The following CD226 variants were observed in gnomAD, a reference collection of about 807,000 sequenced individuals.
CD226 encodes the protein CD226 molecule.
Under a neutral mutation model 34.9 loss-of-function variants are expected in CD226, and 24 were observed. That is an observed-to-expected ratio of 0.69 (90% CI 0.50 to 0.97). The LOEUF is 0.97. CD226 is among the 50% of genes least tolerant of loss of function. The pLI is 0.00. For synonymous variants in CD226, 148 were observed against 147.4 expected (o/e 1.00, Z -0.03); for missense variants, 397 against 412.7 (o/e 0.96, Z 0.33).
intron 2 of CD226, among the ~76,000 whole-genome samples, chr18:69,937,501 T>C (rs1599024851): frequency 6.6e-6 from 1 of 152,176 alleles, no homozygotes; most frequent in African/African-American, 2.4e-5. Flanking sequence ...TGCGACTTAT[T>C]TTTTTGCCTC....
At chr18:69,897,063 T>C (rs1985344055) in intron 2 of CD226, among the ~76,000 whole-genome samples, 1 of 152,222 alleles carries the variant, frequency 6.6e-6, no homozygotes, top group Admixed American at 6.5e-5. Context: ...AGTTCAAATC[T>C]ATTTTCCTAG....
At chr18:69,914,450 C>G (rs2055362008) in intron 2 of CD226, among the ~76,000 whole-genome samples, 1 of 152,170 alleles carries the variant, frequency 6.6e-6, no homozygotes, top group African/African-American at 2.4e-5. Context: ...GTTAGCAATT[C>G]CTTGTGATAG....
At chr18:69,911,635 A>T (rs2055326519) in intron 2 of CD226, among the ~76,000 whole-genome samples, 1 of 152,090 alleles carries the variant, frequency 6.6e-6, no homozygotes, top group African/African-American at 2.4e-5. Flanking sequence ...TACCCAATTC[A>T]CTCAAAATGA....
chr18:69,874,303 C>T (rs190316714), intron 3 of CD226, among the ~76,000 whole-genome samples: 2 of 152,286 alleles, frequency 1.3e-5, no homozygotes, highest in Non-Finnish European at 2.9e-5. Context: ...GGTCAGAGAA[C>T]ATTTTATCTT....
rs572254290 is a variant in CD226, at chr18:69,879,797, G to A, written c.728-6551C>T. ...TTCACAATTTAAATTCTTCTGCCAT[G>A]GCTTCAGCCAGTCCCTCCGTTCAGG... On this transcript the variant is annotated intron_variant, in intron 3 of 5. Coordinates refer to ENST00000582621, the MANE Select transcript of CD226 (RefSeq NM_001303618.2). Among the ~76,000 whole-genome samples, 6 of 152,310 alleles carry A rather than the reference G, an allele frequency of 3.9e-5. No individual in the cohort carries two copies. In the South Asian group the frequency reaches 1.2e-3, roughly 32 times the overall value.
At chr18:69,934,125 A>G (rs955775778) in intron 2 of CD226, among the ~76,000 whole-genome samples, 2 of 152,234 alleles carry the variant, frequency 1.3e-5, no homozygotes, top group Admixed American at 6.5e-5. Flanking sequence ...TGTTTCTCAC[A>G]TGAAAAAGGT....
chr18:69,910,169 G>A (rs896699934), intron 2 of CD226, among the ~76,000 whole-genome samples: 8 of 152,186 alleles, frequency 5.3e-5, no homozygotes, highest in Non-Finnish European at 8.8e-5. Context: ...CACTGTGTTA[G>A]TAGTTTTCTA....
chr18:69,910,619 A>G (rs2055312269), intron 2 of CD226, among the ~76,000 whole-genome samples: 1 of 152,212 alleles, frequency 6.6e-6, no homozygotes, highest in Non-Finnish European at 1.5e-5. Flanking sequence ...AGGAAAGAGG[A>G]CAAAACATAA....
rs1982667828 is a variant in CD226 at position 69,858,265 on chromosome 18, T to A, written c.*6049A>T. 6.6e-6 allele frequency: 1 copy of A among 152,186 alleles called. No homozygotes were observed. The highest frequency in any genetic ancestry group is 1.5e-5 in the Non-Finnish European group (1 of 68,026). 9.4% of individuals were successfully genotyped at this position (152,186 alleles called of 1,614,324 possible). On this transcript the variant is annotated 3_prime_UTR_variant, in exon 6 of 6. Coordinates refer to ENST00000582621, the MANE Select transcript of CD226 (RefSeq NM_001303618.2). ...GGTATTACACAGGGCCTTGAAACAT[T>A]TATAAAAGGGTATATTAAACCCTGC...
At chr18:69,896,932 C>T (rs1985336284) in intron 2 of CD226, among the ~76,000 whole-genome samples, 1 of 152,190 alleles carries the variant, frequency 6.6e-6, no homozygotes, top group Non-Finnish European at 1.5e-5. Context: ...ACCTTCCTCA[C>T]ACCATTTCTG....
At chr18:69,867,439 A>G in intron 4 of CD226, 28 bp from the exon 5 acceptor site, 1 of 1,387,048 alleles carries the variant, frequency 7.2e-7, no homozygotes, top group South Asian at 1.2e-5. Flanking sequence ...TAAAGGATAT[A>G]AAGATATGAT....
chr18:69,958,356 T>C (rs1042967479), upstream of CD226, among the ~76,000 whole-genome samples: 31 of 152,278 alleles, frequency 2.0e-4, no homozygotes, highest in African/African-American at 7.0e-4. Context: ...GGTTTCCATA[T>C]TGTGATCACA....
In CD226 at chr18:69,864,392, AT is replaced by A; in HGVS notation, c.932del (p.Asn311IlefsTer65). On this transcript the variant is annotated frameshift_variant, in exon 6 of 6. Coordinates refer to ENST00000582621, the MANE Select transcript of CD226 (RefSeq NM_001303618.2). LOFTEE classifies it high-confidence loss of function. ...CCTCTCTTGTATCATCCATGGATTGATTGGTAGGTTGACTGGTAGAGATGGG... is the reference window on the plus strand; with the variant it reads ...CCTCTCTTGTATCATCCATGGATTGATGGTAGGTTGACTGGTAGAGATGGG... Reference protein sequence around the residue: ...RSPISTSQPTNQSMDDTREDI... With the variant: ...RSPISTSQPTXQSMDDTREDI... 6.2e-7 allele frequency: 1 copy of A among 1,613,408 alleles called. No homozygotes were observed. Among genetic ancestry groups the A allele is most frequent in the African/African-American group, 1.3e-5 (1 of 74,996 alleles).
chr18:69,864,721 A>T (rs1983030763), intron 5 of CD226, among the ~76,000 whole-genome samples: 1 of 152,192 alleles, frequency 6.6e-6, no homozygotes, highest in Admixed American at 6.5e-5. Flanking sequence ...TATTTTGATA[A>T]GAACAATTAC....
At chr18:69,927,897 G>C (rs557810189) in intron 2 of CD226, among the ~76,000 whole-genome samples, 1 of 152,266 alleles carries the variant, frequency 6.6e-6, no homozygotes, top group South Asian at 2.1e-4. Flanking sequence ...ATGAACATGA[G>C]TGTACTAAGT....
chr18:69,913,567 G>T (rs534859643), intron 2 of CD226, among the ~76,000 whole-genome samples: 3 of 152,140 alleles, frequency 2.0e-5, no homozygotes, highest in Non-Finnish European at 4.4e-5. Context: ...AAAAAAAATA[G>T]ATCATCTTAG....
At chr18:69,917,979 G>A (rs770898493) in intron 2 of CD226, among the ~76,000 whole-genome samples, 3 of 152,110 alleles carry the variant, frequency 2.0e-5, no homozygotes, top group Non-Finnish European at 4.4e-5. Context: ...GCTGCCCACT[G>A]AACCCACCTA....
intron 2 of CD226, among the ~76,000 whole-genome samples, chr18:69,935,922 G>A (rs1322465706): frequency 2.0e-5 from 3 of 152,206 alleles, no homozygotes; most frequent in African/African-American, 7.2e-5. Flanking sequence ...AAAGATGGCA[G>A]CCAATTCCAC....
At position 69,946,926 on chromosome 18, in the gene CD226, T is replaced by C. The variant is rs1336978742; in HGVS notation, c.190A>G (p.Ser64Gly). 1 of 1,614,044 alleles carries C rather than the reference T, an allele frequency of 6.2e-7. No homozygotes were observed. The highest frequency in any genetic ancestry group is 1.3e-5 in the African/African-American group (1 of 74,916). Reference sequence around the variant, plus strand: ...CTTATGACCATGCCATGAGTAGGGCTGAAAATGGCTATGGAATCCTGCTGG... The same window carrying C: ...CTTATGACCATGCCATGAGTAGGGCCGAAAATGGCTATGGAATCCTGCTGG... ...GTQQDSIAIF[S>G]PTHGMVIRKP... Residue 64 changes from serine to glycine, a missense_variant, in exon 2 of 6, where the codon AGC becomes GGC. Ser to Gly is a moderately conservative substitution (Grantham distance 56, BLOSUM62 0). Transcript: ENST00000582621.
Sources: allele counts gnomAD v4.1 joint callset (sites outside exome capture counted in the v4.1 genomes callset), GRCh38; gene constraint gnomAD v4.1.1; transcripts MANE v1.5; gene names NCBI Gene and HGNC (gene_info 2026-07-23, HGNC 2026-07-21).